Variants in KCNQ5 observed in about 807,000 individuals in gnomAD.
KCNQ5 encodes potassium voltage-gated channel subfamily KQT member 5.
In KCNQ5, 30 loss-of-function variants were observed where a neutral mutation model predicts 98.2. The ratio of observed to expected loss-of-function variants is 0.31; its 90% CI spans 0.23 to 0.41. The LOEUF is 0.41. KCNQ5 is among the 10% of genes least tolerant of loss of function. The probability of loss-of-function intolerance (pLI) is 1.00; values close to 1 mark genes in which losing one functional copy is unlikely to be tolerated. For missense variants in KCNQ5, 835 were observed against 1,182.5 expected (o/e 0.71, Z 4.31); for synonymous variants, 458 against 449.4 (o/e 1.02, Z -0.24).
chr6:73,063,644 CAGATAGATGATAGAT>C (rs1422033151), intron 3 of KCNQ5, among the ~76,000 whole-genome samples: 3 of 130,626 alleles, frequency 2.3e-5, no homozygotes, highest in African/African-American at 8.1e-5. Flanking sequence ...CACTGAAATA[CAGATAGATGATAGAT>C]AGATAGATGA....
chr6:73,029,775 T>A (rs1771049210), intron 2 of KCNQ5, among the ~76,000 whole-genome samples: 1 of 151,242 alleles, frequency 6.6e-6, no homozygotes, highest in Non-Finnish European at 1.5e-5. Flanking sequence ...CTACTAAAAA[T>A]ACAAAAAATT....
Position 72,667,591 on chromosome 6 carries a change from C to T in KCNQ5, c.398+45004C>T, listed in dbSNP as rs142090818. Among the ~76,000 whole-genome samples, 457 of 151,950 alleles carry T rather than the reference C, an allele frequency of 3.0e-3. 2 individuals carry two copies. Among genetic ancestry groups the T allele is most frequent in the Non-Finnish European group, 4.9e-3 (334 of 67,968 alleles). The stretch of plus-strand genomic sequence containing the variant: ...TTTCACCCAAGATATTTATTAATTA[C>T]GAAGAAAAAGATAGTCACTTTACAG... On this transcript the variant is annotated intron_variant, in intron 1 of 13. Coordinates refer to ENST00000370398, the MANE Select transcript of KCNQ5 (RefSeq NM_019842.4).
At chr6:73,077,965 G>T (rs1773602756) in intron 5 of KCNQ5, 78 bp downstream of exon 5, 1 of 1,160,082 alleles carries the variant, frequency 8.6e-7, no homozygotes, top group Non-Finnish European at 1.2e-6. Context: ...GGTTCCTATG[G>T]ATGGTTTCAA....
At chr6:72,857,685 C>A (rs1227430194) in intron 1 of KCNQ5, among the ~76,000 whole-genome samples, 1 of 152,088 alleles carries the variant, frequency 6.6e-6, no homozygotes, top group Non-Finnish European at 1.5e-5. Context: ...GCTTTGTTGA[C>A]CCAGTATGTT....
At chr6:72,880,051 T>C (rs991275157) in intron 1 of KCNQ5, among the ~76,000 whole-genome samples, 5 of 152,170 alleles carry the variant, frequency 3.3e-5, no homozygotes, top group Admixed American at 6.5e-5. Flanking sequence ...ATCTTTACTC[T>C]CCATATGATA....
chr6:72,670,750 G>A (rs995976299), intron 1 of KCNQ5, among the ~76,000 whole-genome samples: 4 of 152,090 alleles, frequency 2.6e-5, no homozygotes, highest in African/African-American at 4.8e-5. Flanking sequence ...GAGATCTCTC[G>A]TGTCTCTTCT....
At chr6:73,146,626 CAAAAAAAAAAAAAA>C (rs58798764) in intron 10 of KCNQ5, among the ~76,000 whole-genome samples, 2 of 28,484 alleles carry the variant, frequency 7.0e-5, no homozygotes, top group Non-Finnish European at 1.8e-4. Flanking sequence ...GTCCCTGTCT[CAAAAAAAAAAAAAA>C]AAAAAAAAAA....
At chr6:72,938,978 T>C (rs1766094520) in intron 1 of KCNQ5, among the ~76,000 whole-genome samples, 1 of 152,214 alleles carries the variant, frequency 6.6e-6, no homozygotes. Context: ...TCGTGCTCTA[T>C]TGTAAGACAT....
At chr6:73,084,043 G>A (rs926070257) in intron 5 of KCNQ5, among the ~76,000 whole-genome samples, 3 of 152,102 alleles carry the variant, frequency 2.0e-5, no homozygotes, top group African/African-American at 7.2e-5. Context: ...CCCAATCCCT[G>A]TCATCCCCAC....
chr6:72,983,272 A>C (rs1309741091), intron 1 of KCNQ5, among the ~76,000 whole-genome samples: 1 of 152,220 alleles, frequency 6.6e-6, no homozygotes, highest in Non-Finnish European at 1.5e-5. Context: ...GTGTTTTCCA[A>C]CTTGGTTCCA....
intron 1 of KCNQ5, among the ~76,000 whole-genome samples, chr6:72,829,516 A>T (rs1199263990): frequency 2.0e-5 from 3 of 152,010 alleles, no homozygotes; most frequent in Non-Finnish European, 4.4e-5. Flanking sequence ...TGTCTCTCTC[A>T]ATTCTTTCAT....
intron 1 of KCNQ5, among the ~76,000 whole-genome samples, chr6:72,951,426 A>C (rs9360622): frequency 0.87 from 131,404 of 150,770 alleles, 57,688 homozygotes; most frequent in Non-Finnish European, 0.93. Context: ...TACAGGCACC[A>C]ACCACCACAC....
chr6:72,700,478 T>C (rs1768746929), intron 1 of KCNQ5, among the ~76,000 whole-genome samples: 1 of 152,196 alleles, frequency 6.6e-6, no homozygotes, highest in Admixed American at 6.5e-5. Flanking sequence ...GATTAGGTTT[T>C]GGTGGAGTGT....
At chr6:72,664,522 G>A (rs1766695318) in intron 1 of KCNQ5, among the ~76,000 whole-genome samples, 1 of 152,008 alleles carries the variant, frequency 6.6e-6, no homozygotes, top group African/African-American at 2.4e-5. Context: ...GGGTATGGTG[G>A]CACATGTCTG....
chr6:72,900,351 T>C (rs1426766056), intron 1 of KCNQ5, among the ~76,000 whole-genome samples: 1 of 148,728 alleles, frequency 6.7e-6, no homozygotes, highest in East Asian at 1.9e-4. Context: ...TCTCATCCTA[T>C]ATATATAAAG....
chr6:73,072,829 T>C (rs990278557), intron 3 of KCNQ5, among the ~76,000 whole-genome samples: 1 of 152,208 alleles, frequency 6.6e-6, no homozygotes, highest in African/African-American at 2.4e-5. Context: ...CTTTCTTCAC[T>C]ACTTCCCAAC....
chr6:72,941,362 TTCCTTCCTTCTTTCC>T (rs1459726278), intron 1 of KCNQ5, among the ~76,000 whole-genome samples: 14 of 39,060 alleles, frequency 3.6e-4, no homozygotes, highest in Admixed American at 5.5e-4. Context: ...CCTTCTTTTC[TTCCTTCCTTCTTTCC>T]TCCTTCCTTC....
rs962632615 is a variant in KCNQ5 at position 72,999,263 on chromosome 6, T to A, written c.399-4645T>A. Among the ~76,000 whole-genome samples, 5 of 152,348 alleles carry A rather than the reference T, an allele frequency of 3.3e-5. No individual in the cohort carries two copies. In the South Asian group the frequency reaches 1.0e-3, roughly 32 times the overall value. On this transcript the variant is annotated intron_variant, in intron 1 of 13. Coordinates refer to ENST00000370398, the MANE Select transcript of KCNQ5 (RefSeq NM_019842.4). ...CCCACAAGAAAGGCTGATGATAGTTTTCTTGAGTAAACATAGAGTCCTTTG... is the reference window on the plus strand; with the variant it reads ...CCCACAAGAAAGGCTGATGATAGTTATCTTGAGTAAACATAGAGTCCTTTG...
chr6:72,718,082 G>A (rs1214151474), intron 1 of KCNQ5, among the ~76,000 whole-genome samples: 1 of 152,066 alleles, frequency 6.6e-6, no homozygotes, highest in Non-Finnish European at 1.5e-5. Flanking sequence ...TCATGCATGA[G>A]GTTTATTATT....
Sources: allele counts gnomAD v4.1 joint callset (sites outside exome capture counted in the v4.1 genomes callset), GRCh38; gene constraint gnomAD v4.1.1; transcripts MANE v1.5; gene names NCBI Gene and HGNC (gene_info 2026-07-23, HGNC 2026-07-21).